Variants in GALNTL6 observed in about 807,000 individuals in gnomAD.
GALNTL6 encodes polypeptide N-acetylgalactosaminyltransferase-like 6.
Under a neutral mutation model 73.7 loss-of-function variants are expected in GALNTL6, and 46 were observed. That is an observed-to-expected ratio of 0.62 (90% confidence interval 0.49 to 0.80). The LOEUF is 0.80. Ranked by LOEUF, GALNTL6 falls within the 30% of genes least tolerant of loss-of-function variation. GALNTL6 has a pLI of 0.00. For missense variants in GALNTL6, 604 were observed against 755.0 expected (o/e 0.80, Z 2.34); for synonymous variants, 259 against 263.7 (o/e 0.98, Z 0.17).
At chr4:172,034,177 C>G (rs1267753265) in intron 2 of GALNTL6, among the ~76,000 whole-genome samples, 5 of 152,030 alleles carry the variant, frequency 3.3e-5, no homozygotes, top group Non-Finnish European at 7.4e-5. Flanking sequence ...TAATACGACA[C>G]GTAAAATGCC....
chr4:172,454,147 A>G (rs576858590), intron 5 of GALNTL6, among the ~76,000 whole-genome samples: 2 of 152,330 alleles, frequency 1.3e-5, no homozygotes, highest in African/African-American at 2.4e-5. Flanking sequence ...AAAAAAAATA[A>G]TAAGAGGCTT....
At chr4:172,823,005 T>C (rs528247660) in intron 7 of GALNTL6, among the ~76,000 whole-genome samples, 11 of 152,214 alleles carry the variant, frequency 7.2e-5, no homozygotes, top group Admixed American at 7.2e-4. Context: ...TCTTTCTGGC[T>C]CCCCATTCTT....
rs1336906847 is a variant in GALNTL6, at chr4:172,152,900, G to C, written c.139-76756G>C. Among the ~76,000 whole-genome samples, 3 of 152,290 alleles carry C rather than the reference G, an allele frequency of 2.0e-5. No individual in the cohort carries two copies. In the East Asian group the frequency reaches 5.8e-4, roughly 29 times the overall value. ...GCTGGGATTACAGGCGTGAGCCACC[G>C]TGCCAGACCGGAAATGCAACTCTTT... On this transcript the variant is annotated intron_variant, in intron 2 of 12. Transcript: ENST00000506823.
intron 5 of GALNTL6, among the ~76,000 whole-genome samples, chr4:172,478,483 A>G (rs338020): frequency 0.81 from 122,945 of 152,086 alleles, 49,904 homozygotes; most frequent in East Asian, 1. Context: ...AACTGGATCC[A>G]TTTCTCTCAC....
At chr4:172,633,627 A>G (rs1739512861) in intron 5 of GALNTL6, among the ~76,000 whole-genome samples, 1 of 152,074 alleles carries the variant, frequency 6.6e-6, no homozygotes, top group African/African-American at 2.4e-5. Flanking sequence ...ATGAGTTAAG[A>G]CTTTGGGGAT....
intron 11 of GALNTL6, among the ~76,000 whole-genome samples, chr4:173,010,585 G>GT (rs200445658): frequency 0.025 from 3,757 of 151,174 alleles, 168 homozygotes; most frequent in African/African-American, 0.086. Flanking sequence ...TTTTTTTGTT[G>GT]TTTTTTTTGT....
At chr4:172,919,285 T>G (rs1468980489) in intron 8 of GALNTL6, among the ~76,000 whole-genome samples, 2 of 152,196 alleles carry the variant, frequency 1.3e-5, no homozygotes, top group Non-Finnish European at 2.9e-5. Flanking sequence ...GGGCCTCAAG[T>G]GCTGCTAGGA....
intron 5 of GALNTL6, among the ~76,000 whole-genome samples, chr4:172,422,533 C>T (rs925775011): frequency 1.3e-5 from 2 of 151,916 alleles, no homozygotes; most frequent in Admixed American, 1.3e-4. Context: ...CCCAAGACTT[C>T]GTTCTTGATG....
chr4:171,871,689 A>G (rs1310196359), intron 2 of GALNTL6, among the ~76,000 whole-genome samples: 2 of 152,198 alleles, frequency 1.3e-5, no homozygotes, highest in Non-Finnish European at 2.9e-5. Flanking sequence ...TATAAATTAT[A>G]TTTAGGTCCC....
chr4:172,100,697 G>A (rs1344595692), intron 2 of GALNTL6, among the ~76,000 whole-genome samples: 1 of 152,046 alleles, frequency 6.6e-6, no homozygotes, highest in Non-Finnish European at 1.5e-5. Context: ...TATTATCTCA[G>A]TTTTACAAAT....
chr4:172,666,014 CT>C (rs1230222157), intron 5 of GALNTL6, among the ~76,000 whole-genome samples: 1 of 151,966 alleles, frequency 6.6e-6, no homozygotes, highest in Non-Finnish European at 1.5e-5. Context: ...AATTTTTTAT[CT>C]AGATTTTTAC....
intron 5 of GALNTL6, among the ~76,000 whole-genome samples, chr4:172,613,506 A>G (rs1451439102): frequency 2.0e-5 from 3 of 152,108 alleles, no homozygotes; most frequent in African/African-American, 7.2e-5. Flanking sequence ...TTTATTCGAG[A>G]TGTCATAGAA....
Position 171,991,393 on chromosome 4 carries a change from AT to A in GALNTL6, c.138+176682del, listed in dbSNP as rs1185777698. On this transcript the variant is annotated intron_variant, in intron 2 of 12. Coordinates refer to ENST00000506823, the MANE Select transcript of GALNTL6 (RefSeq NM_001034845.3). ...AAGTGCCAATCAAAACCATATCAAG[AT>A]TTTTTTCTGTGGTGATTTTTTAAAA... is the stretch of plus-strand genomic sequence containing the variant. Among the ~76,000 whole-genome samples the A allele has an allele frequency of 6.6e-5, 10 of 152,130 alleles. No individual in the cohort carries two copies. In the South Asian group the frequency reaches 2.1e-3, roughly 32 times the overall value.
At chr4:172,376,676 G>A (rs191170946) in intron 5 of GALNTL6, among the ~76,000 whole-genome samples, 29 of 152,238 alleles carry the variant, frequency 1.9e-4, no homozygotes, top group African/African-American at 3.4e-4. Context: ...GGTACTCACC[G>A]CTTGGCGATA....
chr4:172,167,942 G>A (rs1248454465), intron 2 of GALNTL6, among the ~76,000 whole-genome samples: 2 of 147,438 alleles, frequency 1.4e-5, no homozygotes, highest in Non-Finnish European at 3.0e-5. Context: ...GTCCGGCCTG[G>A]GCAACAGAGC....
intron 5 of GALNTL6, among the ~76,000 whole-genome samples, chr4:172,557,790 A>T (rs1441921126): frequency 6.6e-6 from 1 of 152,194 alleles, no homozygotes; most frequent in African/African-American, 2.4e-5. Flanking sequence ...TACATTGCTG[A>T]TTGGAGCATA....
chr4:171,993,815 T>C (rs1439293259), intron 2 of GALNTL6, among the ~76,000 whole-genome samples: 2 of 151,594 alleles, frequency 1.3e-5, no homozygotes, highest in East Asian at 3.9e-4. Flanking sequence ...TATATATGTA[T>C]ATATATGTAA....
chr4:171,868,690 CT>C (rs529725228), intron 2 of GALNTL6, among the ~76,000 whole-genome samples: 23 of 148,474 alleles, frequency 1.5e-4, no homozygotes, highest in African/African-American at 3.2e-4. Context: ...TTCTTTCTTT[CT>C]TTTTTTTTTA....
At chr4:172,166,750 G>A (rs1020195919) in intron 2 of GALNTL6, among the ~76,000 whole-genome samples, 3 of 152,054 alleles carry the variant, frequency 2.0e-5, no homozygotes, top group Non-Finnish European at 4.4e-5. Context: ...CCTCCAAGAT[G>A]GTGCGTTATT....
Sources: allele counts gnomAD v4.1 joint callset (sites outside exome capture counted in the v4.1 genomes callset), GRCh38; gene constraint gnomAD v4.1.1; transcripts MANE v1.5; gene names NCBI Gene and HGNC (gene_info 2026-07-23, HGNC 2026-07-21).